Variants in DNAH12 observed in about 807,000 individuals in gnomAD.
The protein encoded by DNAH12 is dynein axonemal heavy chain 12.
DNAH12 carries 285 observed loss-of-function variants against 371.5 expected under a neutral mutation model. The observed-to-expected ratio is 0.77, with a 90% CI of 0.70 to 0.85. The LOEUF (loss-of-function observed/expected upper bound fraction) is 0.85. Among genes scored for constraint, DNAH12 ranks in the 40% least tolerant of loss-of-function variants. The probability of loss-of-function intolerance (pLI) is 0.00; values close to 1 mark genes in which losing one functional copy is unlikely to be tolerated. For synonymous variants in DNAH12, 1,200 were observed against 1,213.0 expected (o/e 0.99, Z 0.22); for missense variants, 3,611 against 3,689.4 (o/e 0.98, Z 0.55).
At chr3:57,302,552 T>TC (rs1559535294) in intron 69 of DNAH12, among the ~76,000 whole-genome samples, 4 of 97,826 alleles carry the variant, frequency 4.1e-5, no homozygotes, top group African/African-American at 1.5e-4. Flanking sequence ...TATATATATA[T>TC]ATATATATAT....
chr3:57,553,075 C>CT, the DNAH12 span, among the ~76,000 whole-genome samples: 1 of 151,992 alleles, frequency 6.6e-6, no homozygotes, highest in Admixed American at 6.6e-5. Flanking sequence ...ACTCAGGAGG[C>CT]TGAGGCAGGA....
At chr3:57,369,110 C>T (rs2063112666) in intron 55 of DNAH12, among the ~76,000 whole-genome samples, 15 of 150,900 alleles carry the variant, frequency 9.9e-5, no homozygotes, top group Non-Finnish European at 4.4e-5. Flanking sequence ...ATCCCAGCTA[C>T]AGGGGAGGCT....
At chr3:57,330,170 C>A (rs2062060314) in intron 62 of DNAH12, among the ~76,000 whole-genome samples, 1 of 151,652 alleles carries the variant, frequency 6.6e-6, no homozygotes, top group Non-Finnish European at 1.5e-5. Context: ...CCTCAGGGAT[C>A]TAGAACTAGA....
intron 43 of DNAH12, among the ~76,000 whole-genome samples, chr3:57,395,603 AGTATT>A (rs1188604769): frequency 6.6e-6 from 1 of 152,044 alleles, no homozygotes; most frequent in African/African-American, 2.4e-5. Context: ...TTTTTAAAGT[AGTATT>A]GTATCAAATC....
chr3:57,413,973 TATATTA>T (rs1486301891), intron 38 of DNAH12, 61 bp from the exon 39 acceptor site: 1 of 1,486,252 alleles, frequency 6.7e-7, no homozygotes, highest in Non-Finnish European at 9.0e-7. Context: ...TTATCATACT[TATATTA>T]AATCAGTATC....
chr3:57,344,608 C>T (rs1400336125), intron 60 of DNAH12, among the ~76,000 whole-genome samples: 1 of 152,048 alleles, frequency 6.6e-6, no homozygotes, highest in African/African-American at 2.4e-5. Context: ...TACCATTCAG[C>T]CATAAAAAGA....
chr3:57,405,762 T>C lies in DNAH12; in HGVS notation c.6467A>G (p.Asn2156Ser), dbSNP rs996189445. Residue 2156 changes from asparagine to serine, a missense_variant, in exon 41 of 74, where the codon AAT becomes AGT. Asn to Ser is a conservative substitution (Grantham distance 46). Transcript: ENST00000495027. Reference protein sequence around the residue: ...VLRVFYDRLINDDDRRWLFQL... With the variant: ...VLRVFYDRLISDDDRRWLFQL... ...GAACAGCCATCTTCGATCATCATCATTAATGAGGCGATCATAAAACACTCG... is the reference window on the plus strand; with the variant it reads ...GAACAGCCATCTTCGATCATCATCACTAATGAGGCGATCATAAAACACTCG... 6.4e-7 allele frequency: 1 copy of C among 1,551,682 alleles called. No individual in the cohort carries two copies. The highest frequency in any genetic ancestry group is 2.4e-5 in the East Asian group (1 of 40,914).
chr3:57,489,019 C>A (rs73078588), intron 12 of DNAH12, among the ~76,000 whole-genome samples: 1,566 of 151,920 alleles, frequency 0.01, 20 homozygotes, highest in South Asian at 0.048. Context: ...TCTGTTTAAA[C>A]AAAATAAAAC....
At chr3:57,553,827 TC>T in the DNAH12 span, among the ~76,000 whole-genome samples, 2 of 151,588 alleles carry the variant, frequency 1.3e-5, no homozygotes, top group African/African-American at 4.8e-5. Context: ...TGAAGATATT[TC>T]TTTTTTTTTT....
At chr3:57,395,668 G>A (rs1307953071) in intron 43 of DNAH12, among the ~76,000 whole-genome samples, 1 of 151,992 alleles carries the variant, frequency 6.6e-6, no homozygotes, top group Non-Finnish European at 1.5e-5. Context: ...TCTTAGGCTG[G>A]GTGCAGTGGC....
intron 66 of DNAH12, among the ~76,000 whole-genome samples, chr3:57,312,045 T>C (rs2061593628): frequency 6.6e-6 from 1 of 152,146 alleles, no homozygotes; most frequent in South Asian, 2.1e-4. Context: ...TATACAGGAA[T>C]TTTTGATAGT....
intron 35 of DNAH12, among the ~76,000 whole-genome samples, chr3:57,424,101 A>G (rs1321637213): frequency 6.6e-6 from 1 of 152,194 alleles, no homozygotes; most frequent in African/African-American, 2.4e-5. Flanking sequence ...ATTAATTAAT[A>G]AAATTAATTC....
Position 57,420,215 on chromosome 3 carries a change from G to A in DNAH12, c.5563-697C>T, listed in dbSNP as rs189321870. ...CCACCCCCAACCATTATCTTCTTCT[G>A]CAGGTTGTTTTGACCCCTCCCTGGA... On this transcript the variant is annotated intron_variant, in intron 36 of 73. Coordinates refer to ENST00000495027, the MANE Select transcript of DNAH12 (RefSeq NM_001366028.2). 2.6e-4 allele frequency among the ~76,000 whole-genome samples: 40 copies of A among 152,102 alleles called. No homozygotes were observed. The East Asian group carries it at 5.6e-3, about 21-fold the overall frequency.
chr3:57,493,981 C>A (rs183514218), intron 11 of DNAH12, among the ~76,000 whole-genome samples: 1 of 152,136 alleles, frequency 6.6e-6, no homozygotes, highest in Non-Finnish European at 1.5e-5. Context: ...GCTTGTAATG[C>A]CAGAGCTTTG....
chr3:57,485,829 G>T (rs1199796936), intron 12 of DNAH12, among the ~76,000 whole-genome samples: 1 of 152,150 alleles, frequency 6.6e-6, no homozygotes, highest in Non-Finnish European at 1.5e-5. Flanking sequence ...CTCGGTGTGG[G>T]GAAGGCTGAG....
chr3:57,510,738 A>G, intron 5 of DNAH12, 52 bp downstream of exon 5: 1 of 1,544,720 alleles, frequency 6.5e-7, no homozygotes, highest in Non-Finnish European at 8.9e-7. Flanking sequence ...TTCAGTGGGG[A>G]CGGGGGGAGG....
intron 39 of DNAH12, among the ~76,000 whole-genome samples, chr3:57,409,705 G>C (rs146182367): frequency 6.6e-6 from 1 of 152,062 alleles, no homozygotes; most frequent in Non-Finnish European, 1.5e-5. Context: ...AAATGCAACT[G>C]TAAAATATGA....
chr3:57,348,773 T>C (rs1553659045), intron 60 of DNAH12, among the ~76,000 whole-genome samples: 1 of 152,214 alleles, frequency 6.6e-6, no homozygotes, highest in Non-Finnish European at 1.5e-5. Context: ...CTCAGTATTG[T>C]GAAATTGTTA....
Position 57,309,209 on chromosome 3 carries a change from C to T in DNAH12, c.11131G>A (p.Val3711Met). 1 of 1,550,488 alleles carries T rather than the reference C, an allele frequency of 6.4e-7. No individual in the cohort carries two copies. Among genetic ancestry groups the T allele is most frequent in the East Asian group, 2.4e-5 (1 of 40,852 alleles). The part of the protein sequence containing the change: ...DIEMALRKYP[V>M]RYEESMNTVL... ...GTATTCATGCTTTCTTCATATCTCA[C>T]AGGATACTTCCGTAGTGCCATTTCA... The change falls in exon 69 of 74, where the codon GTG becomes ATG. Residue 3711 changes from valine (V) to methionine (M), a missense_variant. This residue lies in a region of DNAH12 where 2,266 missense variants were observed against 2,236.9 expected (regional missense o/e 1.01). Coordinates refer to ENST00000495027, the MANE Select transcript of DNAH12 (RefSeq NM_001366028.2).
Sources: gnomAD v4.1 joint callset for allele counts (sites outside exome capture counted in the v4.1 genomes callset) on GRCh38, gnomAD v4.1.1 for gene constraint, gnomAD v4.1.1 regional missense constraint, MANE v1.5 for transcripts, NCBI Gene and HGNC (gene_info 2026-07-23, HGNC 2026-07-21) for gene names.